The following MYO1H variants were observed in gnomAD, a reference collection of about 807,000 sequenced individuals.
MYO1H encodes the protein myosin IH.
MYO1H carries 118 observed loss-of-function variants against 149.3 expected under a neutral mutation model. That is an observed-to-expected ratio of 0.79 (90% confidence interval 0.68 to 0.92). MYO1H has a LOEUF of 0.92. Among genes scored for constraint, MYO1H ranks in the 40% least tolerant of loss-of-function variants. The probability of loss-of-function intolerance (pLI) is 0.00; values close to 1 mark genes in which losing one functional copy is unlikely to be tolerated. For missense variants in MYO1H, 1,212 were observed against 1,280.7 expected (o/e 0.95, Z 0.82); for synonymous variants, 447 against 465.2 (o/e 0.96, Z 0.50).
chr12:109,427,319 A>T, intron 18 of MYO1H, 150 bp from the exon 19 acceptor site: 1 of 298,342 alleles, frequency 3.4e-6, no homozygotes, highest in East Asian at 6.1e-5. Flanking sequence ...CCCATCTCAA[A>T]AAAAAAAAAA....
chr12:109,420,418 C>A (rs1200778887), intron 15 of MYO1H, among the ~76,000 whole-genome samples: 1 of 152,134 alleles, frequency 6.6e-6, no homozygotes, highest in Non-Finnish European at 1.5e-5. Context: ...CAAAGTTCAT[C>A]AGGCTGTGCA....
intron 1 of MYO1H, among the ~76,000 whole-genome samples, chr12:109,364,110 G>T (rs1042940997): frequency 1.8e-4 from 26 of 147,788 alleles, no homozygotes; most frequent in Non-Finnish European, 5.9e-5. Flanking sequence ...GGCAGAGGTT[G>T]CAGTGAGCCA....
rs928450298 is a variant in MYO1H, at chr12:109,356,400, G to GT, written c.12+8435dup. Among the ~76,000 whole-genome samples the GT allele has an allele frequency of 1.4e-4, 21 of 146,692 alleles. No individual in the cohort carries two copies. In the East Asian group the frequency reaches 2.4e-3, roughly 17 times the overall value. On this transcript the variant is annotated intron_variant, in intron 1 of 31. Coordinates refer to ENST00000310903, the Ensembl canonical transcript of MYO1H. The stretch of plus-strand genomic sequence containing the variant: ...TTCTGTTTGTTTTTGTTTTTTTTTT[G>GT]TTTTTTTACAAGATCAGCTACAAAT...
At chr12:109,333,888 C>T in the MYO1H span, among the ~76,000 whole-genome samples, 1 of 152,158 alleles carries the variant, frequency 6.6e-6, no homozygotes, top group Non-Finnish European at 1.5e-5. Flanking sequence ...ACCCTCCTAC[C>T]AACCCAGGGA....
At chr12:109,346,487 G>A (rs565136961), upstream of MYO1H, among the ~76,000 whole-genome samples, 465 of 152,266 alleles carry the variant, frequency 3.1e-3, 1 homozygote, top group Non-Finnish European at 5.3e-3. Flanking sequence ...TAGGCCAGGC[G>A]CGATGGCCCA....
At chr12:109,350,481 C>G (rs750002271) in intron 1 of MYO1H, among the ~76,000 whole-genome samples, 1 of 152,180 alleles carries the variant, frequency 6.6e-6, no homozygotes, top group African/African-American at 2.4e-5. Flanking sequence ...TCTTCTCTGC[C>G]GCCATGTGAG....
At chr12:109,373,265 C>G (rs921530670) in intron 1 of MYO1H, among the ~76,000 whole-genome samples, 2 of 151,962 alleles carry the variant, frequency 1.3e-5, no homozygotes, top group Non-Finnish European at 2.9e-5. Flanking sequence ...AAACTTACGT[C>G]TTTTTCTTGA....
Position 109,443,353 on chromosome 12 carries a change from TATACAC to T in MYO1H, c.2689-159_2689-154del, listed in dbSNP as rs755707792. On this transcript the variant is annotated intron_variant, in intron 27 of 31. Transcript: ENST00000310903. ...GTATGTGTACGTATATATGTGTGTATATACACACACACACACACACACACACACACA... is the reference window on the plus strand; with the variant it reads ...GTATGTGTACGTATATATGTGTGTATACACACACACACACACACACACACA... Among the ~76,000 whole-genome samples, 139 of 92,016 alleles carry T rather than the reference TATACAC, an allele frequency of 1.5e-3. 27 individuals carry two copies. The highest frequency in any genetic ancestry group is 0.013 in the Middle Eastern group (2 of 160). The allele number at this position is 92,016 out of a possible 152,430, so 60.4% of individuals were successfully genotyped here.
chr12:109,374,632 C>G (rs1020668299), intron 1 of MYO1H, among the ~76,000 whole-genome samples: 2 of 152,158 alleles, frequency 1.3e-5, no homozygotes, highest in Middle Eastern at 3.2e-3. Context: ...AATTAAGTGG[C>G]TTGGTCAGAG....
At chr12:109,368,941 A>G (rs1215430214) in intron 1 of MYO1H, among the ~76,000 whole-genome samples, 1 of 151,890 alleles carries the variant, frequency 6.6e-6, no homozygotes, top group Non-Finnish European at 1.5e-5. Flanking sequence ...TAATTAACTT[A>G]GGGTAATGGC....
the MYO1H span, among the ~76,000 whole-genome samples, chr12:109,340,937 C>A: frequency 0.54 from 81,390 of 151,852 alleles, 22,680 homozygotes; most frequent in African/African-American, 0.67. Flanking sequence ...CAGTAATCCC[C>A]GCACTTTGGG....
chr12:109,411,884 T>C lies in MYO1H; in HGVS notation c.1411-10T>C, dbSNP rs1226242835. The stretch of plus-strand genomic sequence containing the variant: ...TGCTGTGGATTGAGGCTTCTCTTTT[T>C]CTTTTGAAGGATGAAGAATGCATTC... On this transcript the variant is annotated splice_polypyrimidine_tract_variant and intron_variant, in intron 13 of 31. Transcript: ENST00000310903. 2 of 1,591,036 alleles carry C rather than the reference T, an allele frequency of 1.3e-6. No homozygotes were observed. Among genetic ancestry groups the C allele is most frequent in the South Asian group, 1.2e-5 (1 of 86,740 alleles).
At position 109,349,491 on chromosome 12, in the gene MYO1H, C is replaced by CG. The variant is rs1305368177; in HGVS notation, c.12+1519_12+1520insG. ...CAGCATGAGCAACATAGTGTGACCCCCCCACCAAAAAAATTAAAAAGTAGC... is the reference window on the plus strand; with the variant it reads ...CAGCATGAGCAACATAGTGTGACCCCGCCCACCAAAAAAATTAAAAAGTAGC... On this transcript the variant is annotated intron_variant, in intron 1 of 31. Coordinates refer to ENST00000310903, the Ensembl canonical transcript of MYO1H. 2.7e-3 allele frequency among the ~76,000 whole-genome samples: 295 copies of CG among 109,528 alleles called. 3 individuals carry two copies. The highest frequency in any genetic ancestry group is 0.01 in the Middle Eastern group (2 of 194). 71.9% of individuals were successfully genotyped at this position (109,528 alleles called of 152,430 possible).
the MYO1H span, among the ~76,000 whole-genome samples, chr12:109,330,115 T>C: frequency 1.3e-5 from 2 of 152,202 alleles, no homozygotes; most frequent in Non-Finnish European, 2.9e-5. Context: ...GTTAATTTCA[T>C]TTCTTAGTTG....
At chr12:109,426,003 G>A (rs1034544071) in exon 18 of MYO1H, 2 of 1,613,810 alleles carry the variant, frequency 1.2e-6, no homozygotes, top group Middle Eastern at 1.6e-4. Flanking sequence ...CATCTCTAAG[G>A]AGCCCTCCTA....
chr12:109,424,910 C>T, intron 17 of MYO1H, 82 bp downstream of exon 17: 1 of 1,027,206 alleles, frequency 9.7e-7, no homozygotes, highest in Non-Finnish European at 1.5e-6. Context: ...TTTTAAGCCA[C>T]CTTCCCCTTT....
At chr12:109,377,339 G>A (rs1251386804) in intron 1 of MYO1H, among the ~76,000 whole-genome samples, 1 of 152,210 alleles carries the variant, frequency 6.6e-6, no homozygotes, top group African/African-American at 2.4e-5. Flanking sequence ...ACTAACATGT[G>A]CAGAGATCAC....
At chr12:109,432,941 C>T (rs1418102069) in exon 20 of MYO1H, 1 of 1,614,022 alleles carries the variant, frequency 6.2e-7, no homozygotes, top group East Asian at 2.2e-5. Flanking sequence ...TGGCACGGGC[C>T]TCCAGCAGAG....
At chr12:109,403,909 T>C (rs566772191) in intron 6 of MYO1H, 73 bp from the exon 7 acceptor site, 2 of 1,021,744 alleles carry the variant, frequency 2.0e-6, no homozygotes, top group Admixed American at 2.0e-5. Context: ...CTTTTGCATC[T>C]TCAGAGAGGA....
Sources: gnomAD v4.1 joint callset for allele counts (sites outside exome capture counted in the v4.1 genomes callset) on GRCh38, gnomAD v4.1.1 for gene constraint, MANE v1.5 for transcripts, NCBI Gene and HGNC (gene_info 2026-07-23, HGNC 2026-07-21) for gene names.